The following ZRANB3 variants were observed in gnomAD, a reference collection of about 807,000 sequenced individuals.
ZRANB3 encodes zinc finger RANBP2-type containing 3.
In ZRANB3, 125 loss-of-function variants were observed where a neutral mutation model predicts 133.8. The observed-to-expected ratio is 0.93, with a 90% CI of 0.81 to 1.08. The LOEUF is 1.08. Ranked by LOEUF, ZRANB3 falls within the 50% of genes least tolerant of loss-of-function variation. ZRANB3 has a pLI of 0.00. For synonymous variants in ZRANB3, 387 were observed against 432.7 expected (o/e 0.89, Z 1.31); for missense variants, 1,229 against 1,275.5 (o/e 0.96, Z 0.56).
intron 8 of ZRANB3, among the ~76,000 whole-genome samples, chr2:135,284,471 T>C (rs1434871090): frequency 6.6e-6 from 1 of 152,178 alleles, no homozygotes; most frequent in Non-Finnish European, 1.5e-5. Flanking sequence ...TTGTTTGTTT[T>C]GTTTGTTTGT....
intron 2 of ZRANB3, among the ~76,000 whole-genome samples, chr2:135,428,580 G>A (rs1350761774): frequency 6.6e-6 from 1 of 152,064 alleles, no homozygotes; most frequent in Non-Finnish European, 1.5e-5. Flanking sequence ...CAGAATTTTG[G>A]GAGAAAATAT....
intron 1 of ZRANB3, among the ~76,000 whole-genome samples, chr2:135,517,466 C>G (rs2104838098): frequency 6.6e-6 from 1 of 152,268 alleles, no homozygotes; most frequent in South Asian, 2.1e-4. Context: ...GTGTGAGCGT[C>G]CTTTTTGTTG....
chr2:135,197,165 A>G lies in ZRANB3; in HGVS notation c.*3177T>C, dbSNP rs1693442749. 1 of 152,210 alleles carries G rather than the reference A, an allele frequency of 6.6e-6. No individual in the cohort carries two copies. Among genetic ancestry groups the G allele is most frequent in the Admixed American group, 6.5e-5 (1 of 15,282 alleles). The allele number at this position is 152,210 out of a possible 1,614,324, so 9.4% of individuals were successfully genotyped here. On this transcript the variant is annotated 3_prime_UTR_variant, in exon 21 of 21. Coordinates refer to ENST00000264159, the MANE Select transcript of ZRANB3 (RefSeq NM_032143.4). ...AGCCCACAATTTTCCAGTTCAAAAG[A>G]ACAAATGGTGGAATGAGAGACAGGC...
At chr2:135,500,232 A>G (rs754890913) in intron 2 of ZRANB3, among the ~76,000 whole-genome samples, 2 of 152,204 alleles carry the variant, frequency 1.3e-5, no homozygotes, top group Non-Finnish European at 2.9e-5. Flanking sequence ...ATTATCTACT[A>G]AAGTGGAAAA....
intron 2 of ZRANB3, among the ~76,000 whole-genome samples, chr2:135,459,148 C>T (rs940537233): frequency 1.3e-5 from 2 of 152,176 alleles, no homozygotes; most frequent in Admixed American, 1.3e-4. Flanking sequence ...GACTCCCAGA[C>T]TGTCACAGTT....
At chr2:135,428,833 C>T (rs1689200963) in intron 2 of ZRANB3, among the ~76,000 whole-genome samples, 1 of 152,200 alleles carries the variant, frequency 6.6e-6, no homozygotes, top group African/African-American at 2.4e-5. Flanking sequence ...ACCAAGATGA[C>T]ATACTGTCTC....
intron 2 of ZRANB3, among the ~76,000 whole-genome samples, chr2:135,444,373 C>T (rs1265010535): frequency 1.3e-5 from 2 of 152,080 alleles, no homozygotes; most frequent in Non-Finnish European, 2.9e-5. Flanking sequence ...ATACAAATCT[C>T]CATCAATTAG....
At chr2:135,309,932 C>CTTAG (rs1177388405) in intron 8 of ZRANB3, among the ~76,000 whole-genome samples, 1 of 151,964 alleles carries the variant, frequency 6.6e-6, no homozygotes, top group East Asian at 1.9e-4. Context: ...AATTTCAAGG[C>CTTAG]TTATTTATTT....
At chr2:135,329,320 CT>C (rs906965489) in intron 6 of ZRANB3, among the ~76,000 whole-genome samples, 4 of 152,154 alleles carry the variant, frequency 2.6e-5, no homozygotes, top group African/African-American at 9.7e-5. Context: ...ACAGGTAATC[CT>C]TTCCCCATAT....
intron 11 of ZRANB3, among the ~76,000 whole-genome samples, chr2:135,268,386 C>T (rs1029077137): frequency 2.0e-5 from 3 of 152,178 alleles, no homozygotes; most frequent in South Asian, 2.1e-4. Context: ...AGGCTAGTCT[C>T]GAACTCCTGA....
intron 2 of ZRANB3, among the ~76,000 whole-genome samples, chr2:135,485,811 A>ACATTG (rs896425219): frequency 4.6e-5 from 7 of 152,244 alleles, no homozygotes; most frequent in African/African-American, 1.2e-4. Flanking sequence ...TAGTTGTAAA[A>ACATTG]CATTGCTAAA....
intron 8 of ZRANB3, among the ~76,000 whole-genome samples, chr2:135,279,730 C>G (rs1412119546): frequency 2.0e-5 from 3 of 152,164 alleles, no homozygotes; most frequent in African/African-American, 7.2e-5. Flanking sequence ...CCCCCTTTTC[C>G]CACTCCTTTC....
At chr2:135,417,691 A>T (rs1396488232) in intron 2 of ZRANB3, among the ~76,000 whole-genome samples, 3 of 152,206 alleles carry the variant, frequency 2.0e-5, no homozygotes, top group Admixed American at 1.3e-4. Flanking sequence ...ATTCACAATA[A>T]CAAAGACTTG....
At chr2:135,287,211 TGAAGATCAGTTG>T (rs1681419747) in intron 8 of ZRANB3, among the ~76,000 whole-genome samples, 1 of 152,230 alleles carries the variant, frequency 6.6e-6, no homozygotes, top group African/African-American at 2.4e-5. Flanking sequence ...TTTGCTTTGT[TGAAGATCAGTTG>T]GCTGTAAATA....
At chr2:135,474,629 G>C (rs144704095) in intron 2 of ZRANB3, among the ~76,000 whole-genome samples, 142 of 152,306 alleles carry the variant, frequency 9.3e-4, no homozygotes, top group Non-Finnish European at 1.7e-3. Context: ...CAGTAGCCAA[G>C]TAGATGCTGG....
chr2:135,320,464 T>C (rs1388589859), intron 6 of ZRANB3, among the ~76,000 whole-genome samples: 3 of 152,202 alleles, frequency 2.0e-5, no homozygotes, highest in African/African-American at 7.2e-5. Flanking sequence ...CCTAAAGACA[T>C]TTATGAAACA....
At chr2:135,479,432 C>G (rs1691659924) in intron 2 of ZRANB3, among the ~76,000 whole-genome samples, 1 of 152,064 alleles carries the variant, frequency 6.6e-6, no homozygotes, top group African/African-American at 2.4e-5. Flanking sequence ...GTCAGGAGTT[C>G]AAGACCAGCC....
intron 12 of ZRANB3, among the ~76,000 whole-genome samples, chr2:135,241,746 A>G (rs1005651000): frequency 6.6e-6 from 1 of 152,154 alleles, no homozygotes; most frequent in Non-Finnish European, 1.5e-5. Flanking sequence ...AGTTACTGCA[A>G]TAGAAAATAC....
chr2:135,297,519 G>A (rs568250929), intron 8 of ZRANB3, among the ~76,000 whole-genome samples: 39 of 152,346 alleles, frequency 2.6e-4, no homozygotes, highest in Middle Eastern at 6.8e-3. Flanking sequence ...GACCCCTTGC[G>A]CTTCACGGGT....
Sources: gnomAD v4.1 joint callset for allele counts (sites outside exome capture counted in the v4.1 genomes callset) on GRCh38, gnomAD v4.1.1 for gene constraint, MANE v1.5 for transcripts, NCBI Gene and HGNC (gene_info 2026-07-23, HGNC 2026-07-21) for gene names.